ERCC6: variants seen among roughly 807,000 people sequenced by gnomAD.
The protein encoded by ERCC6 is DNA excision repair protein ERCC-6.
In ERCC6, 116 loss-of-function variants were observed where a neutral mutation model predicts 158.7. The observed-to-expected ratio is 0.73, with a 90% CI of 0.63 to 0.85. The LOEUF (loss-of-function observed/expected upper bound fraction) is 0.85. Ranked by LOEUF, ERCC6 falls within the 40% of genes least tolerant of loss-of-function variation. The pLI, the probability that ERCC6 is intolerant of heterozygous loss-of-function variation, is 0.00. For synonymous variants in ERCC6, 678 were observed against 659.3 expected (o/e 1.03, Z -0.43); for missense variants, 1,698 against 1,799.4 (o/e 0.94, Z 1.02).
rs765871505 is a variant in ERCC6, at chr10:49,528,535, T to C, written c.544-10A>G. Reference sequence around the variant, plus strand: ...TTTTTAGCTGTTGTTCCTTGAATGGTAAATATAGAAGACAGAAAACAGCAA... The same window carrying C: ...TTTTTAGCTGTTGTTCCTTGAATGGCAAATATAGAAGACAGAAAACAGCAA... On this transcript the variant is annotated splice_polypyrimidine_tract_variant and intron_variant, in intron 3 of 20. Transcript: ENST00000355832. 6.2e-7 allele frequency: 1 copy of C among 1,614,046 alleles called. No individual in the cohort carries two copies. The highest frequency in any genetic ancestry group is 8.5e-7 in the Non-Finnish European group (1 of 1,179,964).
At chr10:49,508,861 T>C (rs945775580) in intron 5 of ERCC6, among the ~76,000 whole-genome samples, 5 of 152,074 alleles carry the variant, frequency 3.3e-5, no homozygotes, top group African/African-American at 9.7e-5. Flanking sequence ...CATCTGCACA[T>C]ACACAGAAAC....
intron 6 of ERCC6, chr10:49,504,668 C>G (rs530699457): frequency 1.4e-4 from 22 of 152,192 alleles, no homozygotes; most frequent in African/African-American, 5.1e-4. Flanking sequence ...AAAAGAGTTG[C>G]CAATAAAAGT....
intron 4 of ERCC6, among the ~76,000 whole-genome samples, chr10:49,525,713 G>A (rs968310392): frequency 6.6e-6 from 1 of 152,066 alleles, no homozygotes; most frequent in African/African-American, 2.4e-5. Flanking sequence ...ATTAAGTGTA[G>A]AACTCAGTGA....
intron 11 of ERCC6, 101 bp from the exon 12 acceptor site, chr10:49,476,411 T>A: frequency 2.6e-6 from 2 of 784,308 alleles, no homozygotes; most frequent in South Asian, 3.1e-5. Flanking sequence ...GCACAATGCA[T>A]GCGATTTTAA....
At chr10:49,466,404 T>C (rs935810575) in intron 18 of ERCC6, among the ~76,000 whole-genome samples, 4 of 152,164 alleles carry the variant, frequency 2.6e-5, no homozygotes, top group Non-Finnish European at 5.9e-5. Context: ...GCTACAAACA[T>C]GGAAAGGGCC....
At chr10:49,532,207 T>C (rs962661785) in intron 2 of ERCC6, among the ~76,000 whole-genome samples, 9 of 152,228 alleles carry the variant, frequency 5.9e-5, no homozygotes, top group African/African-American at 2.2e-4. Flanking sequence ...AATGTATTCC[T>C]GGCATCTCGA....
chr10:49,509,135 C>A (rs1047753125), intron 5 of ERCC6, among the ~76,000 whole-genome samples: 1 of 152,174 alleles, frequency 6.6e-6, no homozygotes, highest in Non-Finnish European at 1.5e-5. Flanking sequence ...TCATCAGCAT[C>A]TAAGTTTCCT....
chr10:49,472,323 C>G, intron 16 of ERCC6, 53 bp downstream of exon 16: 1 of 1,500,536 alleles, frequency 6.7e-7, no homozygotes, highest in South Asian at 1.1e-5. Flanking sequence ...GAAAAATTCC[C>G]TGCTCAAGAC....
intron 14 of ERCC6, 116 bp downstream of exon 14, chr10:49,473,361 C>G: frequency 1.2e-6 from 1 of 827,084 alleles, no homozygotes; most frequent in Middle Eastern, 2.5e-4. Context: ...CCCTTAGGCC[C>G]CCTCCCAAGC....
chr10:49,466,021 T>C (rs1036202805), intron 18 of ERCC6, among the ~76,000 whole-genome samples: 1 of 152,190 alleles, frequency 6.6e-6, no homozygotes. Flanking sequence ...ACTATGTTAA[T>C]GTGTTACTAC....
chr10:49,509,686 C>A (rs1466386185), intron 5 of ERCC6, among the ~76,000 whole-genome samples: 2 of 151,958 alleles, frequency 1.3e-5, no homozygotes, highest in African/African-American at 4.8e-5. Flanking sequence ...AAAATCTGGG[C>A]CAAGTGAGCT....
chr10:49,439,209 C>T, the ERCC6 span, among the ~76,000 whole-genome samples: 79 of 152,368 alleles, frequency 5.2e-4, no homozygotes, highest in African/African-American at 1.5e-3. Context: ...ATGAGTGCCC[C>T]GCCCCTGCAG....
chr10:49,435,316 A>C, the ERCC6 span, among the ~76,000 whole-genome samples: 1 of 152,250 alleles, frequency 6.6e-6, no homozygotes, highest in African/African-American at 2.4e-5. Context: ...AGGGAAAATA[A>C]AGATTAGCAA....
At chr10:49,511,332 TG>T (rs1467965641) in intron 5 of ERCC6, among the ~76,000 whole-genome samples, 6 of 152,346 alleles carry the variant, frequency 3.9e-5, no homozygotes, top group Non-Finnish European at 8.8e-5. Flanking sequence ...ATAGTGTTTT[TG>T]ATGTTCCCAC....
intron 5 of ERCC6, chr10:49,517,148 T>A (rs1837001187): frequency 6.4e-7 from 1 of 1,552,014 alleles, no homozygotes; most frequent in Admixed American, 1.9e-5. Context: ...GTATTATTAG[T>A]CCTAGTGGTA....
chr10:49,515,557 C>T lies in ERCC6; in HGVS notation c.1397+8476G>A, dbSNP rs753811607. The T allele has an allele frequency of 2.5e-6, 4 of 1,613,992 alleles. No individual in the cohort carries two copies. Among genetic ancestry groups the T allele is most frequent in the Non-Finnish European group, 3.4e-6 (4 of 1,180,016 alleles). ...CCATGGGTCTCCAGATAATGGCATA[C>T]CACACGTCGACGAAACTCCAGAAAA... On this transcript the variant is annotated intron_variant, in intron 5 of 20. Coordinates refer to ENST00000355832, the MANE Select transcript of ERCC6 (RefSeq NM_000124.4).
chr10:49,509,276 T>C (rs1439437221), intron 5 of ERCC6, among the ~76,000 whole-genome samples: 1 of 152,192 alleles, frequency 6.6e-6, no homozygotes, highest in East Asian at 1.9e-4. Context: ...TATAGTATTA[T>C]ATAAAACCAC....
At chr10:49,499,944 G>A (rs1235152070) in intron 7 of ERCC6, among the ~76,000 whole-genome samples, 3 of 151,976 alleles carry the variant, frequency 2.0e-5, no homozygotes, top group African/African-American at 7.3e-5. Context: ...GATTGGGAAG[G>A]GCAGAAAACA....
chr10:49,516,306 T>C lies in ERCC6; in HGVS notation c.1397+7727A>G, dbSNP rs1448963051. On this transcript the variant is annotated intron_variant, in intron 5 of 20. Coordinates refer to ENST00000355832, the MANE Select transcript of ERCC6 (RefSeq NM_000124.4). ...ACCAAAATAAGGAACCATGAATTCATCAAAGCTGAAATATGTTTCATTTGG... is the reference window on the plus strand; with the variant it reads ...ACCAAAATAAGGAACCATGAATTCACCAAAGCTGAAATATGTTTCATTTGG... 4 of 1,614,042 alleles carry C rather than the reference T, an allele frequency of 2.5e-6. No homozygotes were observed. The African/African-American group carries it at 4.0e-5, about 16-fold the overall frequency.
Sources: allele counts gnomAD v4.1 joint callset (sites outside exome capture counted in the v4.1 genomes callset), GRCh38; gene constraint gnomAD v4.1.1; transcripts MANE v1.5; gene names NCBI Gene and HGNC (gene_info 2026-07-23, HGNC 2026-07-21).